Variants in PLCXD3 observed in about 807,000 individuals in gnomAD.
The protein encoded by PLCXD3 is PI-PLC X domain-containing protein 3.
In PLCXD3, 19 loss-of-function variants were observed where a neutral mutation model predicts 25.5. That is an observed-to-expected ratio of 0.75 (90% CI 0.52 to 1.09). The LOEUF is 1.09. PLCXD3 is among the 50% of genes least tolerant of loss of function. The pLI, the probability that PLCXD3 is intolerant of heterozygous loss-of-function variation, is 0.00. For synonymous variants in PLCXD3, 174 were observed against 137.6 expected, an observed-to-expected ratio of 1.26 and a Z score of -1.85; for missense variants, 411 against 388.1, an observed-to-expected ratio of 1.06 and a Z score of -0.50.
chr5:41,340,812 T>G (rs1042028128), intron 2 of PLCXD3, among the ~76,000 whole-genome samples: 3 of 152,200 alleles, frequency 2.0e-5, no homozygotes, highest in African/African-American at 7.2e-5. Context: ...TGGGAACTCA[T>G]GTCCCACTGG....
chr5:41,399,593 G>A (rs927560825), intron 1 of PLCXD3, among the ~76,000 whole-genome samples: 2 of 151,904 alleles, frequency 1.3e-5, no homozygotes, highest in Non-Finnish European at 2.9e-5. Flanking sequence ...ATACACTGGG[G>A]AAAAGATAGT....
intron 1 of PLCXD3, among the ~76,000 whole-genome samples, chr5:41,391,214 C>G (rs955686539): frequency 6.6e-6 from 1 of 152,170 alleles, no homozygotes; most frequent in African/African-American, 2.4e-5. Flanking sequence ...GAACATGATA[C>G]ACAGAAACAT....
At position 41,476,150 on chromosome 5, in the gene PLCXD3, C is replaced by T. The variant is rs557901566; in HGVS notation, c.103+34274G>A. ...ATAGAGAAATCATAAGTTGAACCAT[C>T]CTAAGCTGAACCATTGTAAGTTGGG... On this transcript the variant is annotated intron_variant, in intron 1 of 2. Transcript: ENST00000377801. 3.9e-5 allele frequency among the ~76,000 whole-genome samples: 6 copies of T among 152,318 alleles called. No individual in the cohort carries two copies. In the South Asian group the frequency reaches 8.3e-4, roughly 21 times the overall value.
chr5:41,416,878 C>G (rs769844759), intron 1 of PLCXD3, among the ~76,000 whole-genome samples: 1 of 152,118 alleles, frequency 6.6e-6, no homozygotes, highest in Non-Finnish European at 1.5e-5. Context: ...AGGAATTCAC[C>G]TTTTGGGACG....
chr5:41,460,822 T>C (rs1441344754), intron 1 of PLCXD3, among the ~76,000 whole-genome samples: 2 of 152,020 alleles, frequency 1.3e-5, no homozygotes, highest in African/African-American at 4.8e-5. Flanking sequence ...ATGTGCAAAA[T>C]TATTGGAACT....
chr5:41,414,735 C>T (rs1042333661), intron 1 of PLCXD3, among the ~76,000 whole-genome samples: 2 of 152,096 alleles, frequency 1.3e-5, no homozygotes, highest in African/African-American at 4.8e-5. Context: ...AATTGTGCAC[C>T]ATTCTGAGTA....
At chr5:41,428,397 T>TTG (rs1747017914) in intron 1 of PLCXD3, among the ~76,000 whole-genome samples, 1 of 148,042 alleles carries the variant, frequency 6.8e-6, no homozygotes, top group African/African-American at 2.5e-5. Context: ...TGTTTTTGTT[T>TTG]TTTTTAGGGT....
intron 1 of PLCXD3, among the ~76,000 whole-genome samples, chr5:41,499,473 C>T (rs318022): frequency 0.17 from 26,445 of 151,442 alleles, 2,489 homozygotes; most frequent in Middle Eastern, 0.23. Flanking sequence ...AATTGCAAAA[C>T]GTTGCAGAAA....
chr5:41,430,235 A>G (rs981355908), intron 1 of PLCXD3, among the ~76,000 whole-genome samples: 15 of 152,196 alleles, frequency 9.9e-5, no homozygotes, highest in Non-Finnish European at 2.1e-4. Flanking sequence ...TATATAGAAA[A>G]TGCTATATAA....
intron 2 of PLCXD3, among the ~76,000 whole-genome samples, chr5:41,331,549 A>C (rs1464050168): frequency 1.3e-5 from 2 of 152,220 alleles, no homozygotes; most frequent in Non-Finnish European, 2.9e-5. Flanking sequence ...GGCCATCCCC[A>C]TCAAGCTACC....
At chr5:41,340,075 A>C (rs189360822) in intron 2 of PLCXD3, among the ~76,000 whole-genome samples, 1 of 152,288 alleles carries the variant, frequency 6.6e-6, no homozygotes, top group African/African-American at 2.4e-5. Flanking sequence ...AAAGTTATAT[A>C]GATTCACACC....
intron 2 of PLCXD3, among the ~76,000 whole-genome samples, chr5:41,375,736 CCCTAGACCTGACT>C (rs1231351691): frequency 6.6e-6 from 1 of 152,050 alleles, no homozygotes; most frequent in African/African-American, 2.4e-5. Context: ...TTTCCTAAAC[CCCTAGACCTGACT>C]CTGCCTTCCA....
intron 2 of PLCXD3, among the ~76,000 whole-genome samples, chr5:41,337,007 G>C (rs1413368034): frequency 1.3e-5 from 2 of 152,152 alleles, no homozygotes; most frequent in Non-Finnish European, 2.9e-5. Context: ...CCTTTAGCCA[G>C]AGTAAGAATT....
chr5:41,315,007 A>G (rs1743247580), intron 2 of PLCXD3, among the ~76,000 whole-genome samples: 1 of 152,210 alleles, frequency 6.6e-6, no homozygotes. Context: ...GATAAAGGTG[A>G]GAATGGTAGA....
intron 1 of PLCXD3, among the ~76,000 whole-genome samples, chr5:41,429,823 C>G (rs1236556208): frequency 6.6e-6 from 1 of 152,100 alleles, no homozygotes. Context: ...AATTTAAAAT[C>G]TATAGGTCAT....
At chr5:41,367,924 A>C (rs1268042463) in intron 2 of PLCXD3, among the ~76,000 whole-genome samples, 1 of 152,018 alleles carries the variant, frequency 6.6e-6, no homozygotes, top group Admixed American at 6.6e-5. Flanking sequence ...CATTTTTGTC[A>C]GGTTTGTCAA....
At chr5:41,372,918 C>A (rs1054992973) in intron 2 of PLCXD3, among the ~76,000 whole-genome samples, 2 of 152,048 alleles carry the variant, frequency 1.3e-5, no homozygotes, top group African/African-American at 4.8e-5. Context: ...GTGGCATACA[C>A]CTGTAATCTC....
At chr5:41,404,104 T>G (rs2150500819) in intron 1 of PLCXD3, among the ~76,000 whole-genome samples, 1 of 152,226 alleles carries the variant, frequency 6.6e-6, no homozygotes. Flanking sequence ...TTAAAATACA[T>G]TAAGCAATGG....
intron 1 of PLCXD3, among the ~76,000 whole-genome samples, chr5:41,413,193 C>A (rs1279483760): frequency 6.6e-6 from 1 of 152,034 alleles, no homozygotes; most frequent in Admixed American, 6.6e-5. Context: ...TATTTTTCTA[C>A]AAACCAAACA....
Sources: allele counts gnomAD v4.1 joint callset (sites outside exome capture counted in the v4.1 genomes callset), GRCh38; gene constraint gnomAD v4.1.1; transcripts MANE v1.5; gene names NCBI Gene and HGNC (gene_info 2026-07-23, HGNC 2026-07-21).